The following TTC1 variants were observed in gnomAD, a reference collection of about 807,000 sequenced individuals.
TTC1 encodes the protein tetratricopeptide repeat domain 1.
In TTC1, 31 loss-of-function variants were observed where a neutral mutation model predicts 37.6. The ratio of observed to expected loss-of-function variants is 0.82; its 90% CI spans 0.62 to 1.11. The LOEUF is 1.11. Ranked by LOEUF, TTC1 falls within the 50% of genes most tolerant of loss-of-function variation. The pLI is 0.00. For synonymous variants in TTC1, 127 were observed against 122.4 expected (o/e 1.04, Z -0.25); for missense variants, 351 against 339.0 (o/e 1.04, Z -0.28).
chr5:160,026,503 T>C (rs1319995658), intron 2 of TTC1, among the ~76,000 whole-genome samples: 1 of 152,232 alleles, frequency 6.6e-6, no homozygotes, highest in African/African-American at 2.4e-5. Context: ...ACGAATACAC[T>C]TATAGTTGTT....
chr5:160,063,851 G>C (rs1753509437), intron 7 of TTC1, among the ~76,000 whole-genome samples: 1 of 151,080 alleles, frequency 6.6e-6, no homozygotes, highest in South Asian at 2.1e-4. Context: ...TGCGTTGCTC[G>C]GGCTGGTCTT....
chr5:160,052,410 C>G (rs1305166829), intron 7 of TTC1, among the ~76,000 whole-genome samples: 2 of 151,618 alleles, frequency 1.3e-5, no homozygotes, highest in Non-Finnish European at 2.9e-5. Context: ...TCACTTGAGC[C>G]CAAGGGTTAG....
chr5:160,047,858 G>A (rs10515803), intron 5 of TTC1, among the ~76,000 whole-genome samples: 12,356 of 151,956 alleles, frequency 0.081, 695 homozygotes, highest in Admixed American at 0.18. Context: ...CTCATTTCTC[G>A]CTTCACTTGT....
intron 3 of TTC1, chr5:160,036,452 G>A: frequency 2.6e-6 from 1 of 383,110 alleles, no homozygotes; most frequent in East Asian, 4.6e-5. Context: ...CTGACAGCAT[G>A]TTCAGCTGTC....
intron 2 of TTC1, among the ~76,000 whole-genome samples, chr5:160,033,130 T>C (rs1196482470): frequency 6.6e-6 from 1 of 152,102 alleles, no homozygotes; most frequent in African/African-American, 2.4e-5. Flanking sequence ...CTTAAGATAG[T>C]CTTTTGCTTG....
intron 7 of TTC1, among the ~76,000 whole-genome samples, chr5:160,051,602 A>C (rs913107181): frequency 4.6e-5 from 7 of 152,190 alleles, no homozygotes; most frequent in African/African-American, 1.7e-4. Flanking sequence ...AGAAAATGGC[A>C]CTCAAAGTCC....
chr5:160,024,748 C>A (rs1480775515), intron 2 of TTC1, among the ~76,000 whole-genome samples: 1 of 151,992 alleles, frequency 6.6e-6, no homozygotes, highest in Non-Finnish European at 1.5e-5. Flanking sequence ...GCTACCACCT[C>A]AAGAGTAACA....
chr5:160,025,279 T>C (rs1486046478), intron 2 of TTC1, among the ~76,000 whole-genome samples: 1 of 152,176 alleles, frequency 6.6e-6, no homozygotes, highest in Non-Finnish European at 1.5e-5. Flanking sequence ...CCACCTGCCT[T>C]GGCCTCCCAA....
chr5:160,063,871 G>A (rs75246882), intron 7 of TTC1, among the ~76,000 whole-genome samples: 158 of 151,882 alleles, frequency 1.0e-3, no homozygotes, highest in Admixed American at 1.6e-3. Flanking sequence ...TGAACTCCTG[G>A]GCTCAAACCC....
intron 2 of TTC1, among the ~76,000 whole-genome samples, chr5:160,034,472 A>G (rs1751318156): frequency 6.6e-6 from 1 of 151,956 alleles, no homozygotes. Context: ...TACTGCCCTA[A>G]CCCTACAGAC....
intron 5 of TTC1, among the ~76,000 whole-genome samples, chr5:160,045,554 C>CTCTCTCTCTCT (rs1310066249): frequency 1.3e-4 from 15 of 115,972 alleles, no homozygotes; most frequent in African/African-American, 3.6e-4. Context: ...TCTCTCTCTC[C>CTCTCTCTCTCT]CCCTCCCCTC....
intron 6 of TTC1, among the ~76,000 whole-genome samples, chr5:160,049,936 G>A (rs1176265425): frequency 6.6e-5 from 10 of 151,962 alleles, no homozygotes; most frequent in East Asian, 5.8e-4. Context: ...AAAATTAGCC[G>A]GGTGTGGTCG....
intron 2 of TTC1, among the ~76,000 whole-genome samples, chr5:160,020,766 G>C (rs1172199813): frequency 6.6e-6 from 1 of 152,152 alleles, no homozygotes; most frequent in African/African-American, 2.4e-5. Context: ...AGGTAGGACC[G>C]TCTAGTTGCA....
chr5:160,024,067 G>A (rs1435634869), intron 2 of TTC1: 2 of 1,076,098 alleles, frequency 1.9e-6, no homozygotes, highest in South Asian at 1.3e-5. Context: ...TGGTTAGCAT[G>A]TAAGTGTGGG....
chr5:160,050,054 C>A (rs1333500647), intron 6 of TTC1, among the ~76,000 whole-genome samples: 1 of 152,086 alleles, frequency 6.6e-6, no homozygotes, highest in Non-Finnish European at 1.5e-5. Flanking sequence ...GCCTGGGCAA[C>A]AGAGAGGATC....
chr5:160,022,666 A>G (rs575187779), intron 2 of TTC1, among the ~76,000 whole-genome samples: 2 of 152,292 alleles, frequency 1.3e-5, no homozygotes, highest in African/African-American at 2.4e-5. Context: ...AGTCATGGAT[A>G]TTTGCTTTAC....
intron 4 of TTC1, among the ~76,000 whole-genome samples, chr5:160,042,290 G>T (rs978236887): frequency 1.3e-5 from 2 of 152,170 alleles, no homozygotes; most frequent in Admixed American, 6.5e-5. Context: ...GAAATATTCT[G>T]CAAAATATTT....
chr5:160,019,693 TTC>T (rs1232698578), intron 2 of TTC1, among the ~76,000 whole-genome samples: 1 of 150,626 alleles, frequency 6.6e-6, no homozygotes, highest in Non-Finnish European at 1.5e-5. Context: ...ATTCAAGCGA[TTC>T]TCTCTCTGCC....
At position 160,037,899 on chromosome 5, in the gene TTC1, G is replaced by T. The variant is rs192849511; in HGVS notation, c.504+1096G>T. Among the ~76,000 whole-genome samples the T allele has an allele frequency of 2.8e-3, 421 of 151,990 alleles. 4 individuals are homozygous for T. The highest frequency in any genetic ancestry group is 9.8e-3 in the African/African-American group (405 of 41,456). ...CCATGATGCTGGCTCAAGATTGGAA[G>T]TGGCAGTGTTTTCATTTGTTTGTTT... On this transcript the variant is annotated intron_variant, in intron 4 of 7. Coordinates refer to ENST00000231238, the MANE Select transcript of TTC1 (RefSeq NM_003314.3).
Sources: allele counts gnomAD v4.1 joint callset (sites outside exome capture counted in the v4.1 genomes callset), GRCh38; gene constraint gnomAD v4.1.1; transcripts MANE v1.5; gene names NCBI Gene and HGNC (gene_info 2026-07-23, HGNC 2026-07-21).